KIF16B: variants seen among roughly 807,000 people sequenced by gnomAD.
The protein encoded by KIF16B is kinesin-like protein KIF16B.
KIF16B carries 98 observed loss-of-function variants against 156.3 expected under a neutral mutation model. The ratio of observed to expected loss-of-function variants is 0.63; its 90% CI spans 0.53 to 0.74. The LOEUF (loss-of-function observed/expected upper bound fraction) is 0.74, where lower values mean the gene tolerates loss of function less well. Ranked by LOEUF, KIF16B falls within the 30% of genes least tolerant of loss-of-function variation. The probability of loss-of-function intolerance (pLI) is 0.00; values close to 1 mark genes in which losing one functional copy is unlikely to be tolerated. For synonymous variants in KIF16B, 564 were observed against 583.7 expected, an observed-to-expected ratio of 0.97 and a Z score of 0.49; for missense variants, 1,421 against 1,606.5, an observed-to-expected ratio of 0.88 and a Z score of 1.97.
intron 25 of KIF16B, among the ~76,000 whole-genome samples, chr20:16,300,770 C>T (rs2063460263): frequency 6.6e-6 from 1 of 152,090 alleles, no homozygotes; most frequent in Non-Finnish European, 1.5e-5. Context: ...TGCAGAGCCT[C>T]CCCCGCTATC....
intron 11 of KIF16B, 151 bp downstream of exon 11, chr20:16,497,462 C>T (rs2068484372): frequency 3.1e-6 from 2 of 647,434 alleles, no homozygotes; most frequent in African/African-American, 1.9e-5. Flanking sequence ...TGTCAGCTAT[C>T]GTGCTTCTTC....
rs964152805 is a variant in KIF16B at position 16,480,627 on chromosome 20, G to A, written c.1302+13664C>T. Among the ~76,000 whole-genome samples, 14 of 152,346 alleles carry A rather than the reference G, an allele frequency of 9.2e-5. No homozygotes were observed. In the East Asian group the frequency reaches 2.7e-3, roughly 29 times the overall value. Reference sequence around the variant, plus strand: ...TTCAAATGAGATAAGCAGTGAAGAGGTGACACAATGCACAGAACAACCGCA... The same window carrying A: ...TTCAAATGAGATAAGCAGTGAAGAGATGACACAATGCACAGAACAACCGCA... On this transcript the variant is annotated intron_variant, in intron 12 of 25. Coordinates refer to ENST00000354981, the MANE Select transcript of KIF16B (RefSeq NM_024704.5).
intron 25 of KIF16B, among the ~76,000 whole-genome samples, chr20:16,300,105 T>C (rs1359383441): frequency 6.6e-6 from 1 of 152,204 alleles, no homozygotes; most frequent in Non-Finnish European, 1.5e-5. Context: ...TTACGACATA[T>C]TTCCTTCTTG....
chr20:16,388,652 C>G (rs558752776), intron 17 of KIF16B, among the ~76,000 whole-genome samples: 8 of 151,534 alleles, frequency 5.3e-5, no homozygotes, highest in Non-Finnish European at 1.2e-4. Flanking sequence ...TCAGAGATAG[C>G]CTTTTCTTTT....
chr20:16,450,188 G>GA (rs1404466179), intron 12 of KIF16B, among the ~76,000 whole-genome samples: 1 of 152,150 alleles, frequency 6.6e-6, no homozygotes, highest in African/African-American at 2.4e-5. Context: ...CTATTTTATA[G>GA]ATCTTTGCTA....
At chr20:16,529,930 G>C (rs1028259608) in intron 1 of KIF16B, among the ~76,000 whole-genome samples, 11 of 152,102 alleles carry the variant, frequency 7.2e-5, no homozygotes, top group Non-Finnish European at 1.2e-4. Context: ...ACTCCAACCT[G>C]GGCAACAAGA....
At chr20:16,392,615 C>T (rs1209222569) in intron 17 of KIF16B, among the ~76,000 whole-genome samples, 1 of 152,180 alleles carries the variant, frequency 6.6e-6, no homozygotes, top group Non-Finnish European at 1.5e-5. Context: ...GACAACATGC[C>T]GATACGCCTA....
chr20:16,277,229 C>G (rs1262228623), intron 25 of KIF16B, among the ~76,000 whole-genome samples: 2 of 152,110 alleles, frequency 1.3e-5, no homozygotes, highest in Non-Finnish European at 2.9e-5. Context: ...TGCAGTACTT[C>G]ACATCTGAAC....
chr20:16,367,014 A>G (rs2064682005), intron 22 of KIF16B: 1 of 1,330,582 alleles, frequency 7.5e-7, no homozygotes, highest in Non-Finnish European at 9.6e-7. Context: ...TTTCAATTTT[A>G]GAGGTCTGCA....
rs1027040847 is a variant in KIF16B at position 16,573,247 on chromosome 20, A to T, written c.29T>A (p.Val10Asp). 1.2e-6 allele frequency: 2 copies of T among 1,603,030 alleles called. No homozygotes were observed. Among genetic ancestry groups the T allele is most frequent in the Non-Finnish European group, 1.7e-6 (2 of 1,176,232 alleles). ...CACTCACCTGCGATTCATGGGCCGG[A>T]CCCTCACGGCCACCTTGACCGATGC... MASVKVAVR[V>D]RPMNRREKDL... The change falls in exon 1 of 26, where the codon GTC (valine) becomes GAC (aspartate). Residue 10 changes from valine (V) to aspartate (D), a missense_variant. Val to Asp is a radical substitution (Grantham distance 152). Transcript: ENST00000354981.
At chr20:16,439,203 C>G (rs10084514) in intron 12 of KIF16B, among the ~76,000 whole-genome samples, 44 of 152,154 alleles carry the variant, frequency 2.9e-4, no homozygotes, top group South Asian at 4.1e-4. Context: ...CCACAACTTT[C>G]CATCTCCACT....
chr20:16,404,885 G>A lies in KIF16B; in HGVS notation c.1712C>T (p.Ser571Phe), dbSNP rs2065742844. 1 of 1,613,342 alleles carries A rather than the reference G, an allele frequency of 6.2e-7. No individual in the cohort carries two copies. Among genetic ancestry groups the A allele is most frequent in the Non-Finnish European group, 8.5e-7 (1 of 1,179,570 alleles). Residue 571 changes from serine (S) to phenylalanine (F), a missense_variant, in exon 17 of 26, where the codon TCC becomes TTC. Ser to Phe is a radical substitution (Grantham distance 155). Coordinates refer to ENST00000354981, the MANE Select transcript of KIF16B (RefSeq NM_024704.5). ...REKRKSGLLSSFSLSMTDLSK... is the reference protein window; with the variant it reads ...REKRKSGLLSFFSLSMTDLSK... ...GAGGTCGGTCATGGACAAGCTGAAG[G>A]AGGACAGAAGGCCACTCTAAGGGCA...
chr20:16,537,852 C>T (rs775179030), intron 1 of KIF16B, among the ~76,000 whole-genome samples: 1 of 151,838 alleles, frequency 6.6e-6, no homozygotes, highest in Non-Finnish European at 1.5e-5. Flanking sequence ...TACAGATGTG[C>T]ACCACGATGC....
intron 12 of KIF16B, among the ~76,000 whole-genome samples, chr20:16,489,696 C>CAA (rs36070522): frequency 8.0e-6 from 1 of 125,650 alleles, no homozygotes; most frequent in Non-Finnish European, 1.8e-5. Context: ...AATCCTGTCT[C>CAA]AAAAAAAAAA....
chr20:16,533,327 G>A (rs1377214665), intron 1 of KIF16B, among the ~76,000 whole-genome samples: 1 of 152,084 alleles, frequency 6.6e-6, no homozygotes, highest in Non-Finnish European at 1.5e-5. Context: ...GTGGCTCCAG[G>A]GAAGCTTGAC....
rs1156606281 is a variant in KIF16B, at chr20:16,300,864, C to A, written c.3795+11471G>T. 3.3e-5 allele frequency among the ~76,000 whole-genome samples: 5 copies of A among 152,132 alleles called. No homozygotes were observed. In the East Asian group the frequency reaches 9.6e-4, roughly 29 times the overall value. ...ATTATCACCCAAAGTCTATAACTTA[C>A]ATTAGGGTTCACTCTTGTTGTACTT... On this transcript the variant is annotated intron_variant, in intron 25 of 25. Coordinates refer to ENST00000354981, the MANE Select transcript of KIF16B (RefSeq NM_024704.5).
Position 16,520,171 on chromosome 20 carries a change from G to A in KIF16B, c.232-4507C>T, listed in dbSNP as rs190213005. On this transcript the variant is annotated intron_variant, in intron 3 of 25. Coordinates refer to ENST00000354981, the MANE Select transcript of KIF16B (RefSeq NM_024704.5). ...CCCTGGTGGCACCTGGAACACCAAT[G>A]AGACAGAACCGTTCATTCCCCTGGA... Among the ~76,000 whole-genome samples, 20 of 151,188 alleles carry A rather than the reference G, an allele frequency of 1.3e-4. 1 individual carries two copies. In the East Asian group the frequency reaches 3.9e-3, roughly 30 times the overall value.
chr20:16,559,202 A>C (rs2070967629), intron 1 of KIF16B, among the ~76,000 whole-genome samples: 1 of 152,024 alleles, frequency 6.6e-6, no homozygotes, highest in Admixed American at 6.6e-5. Flanking sequence ...TTTCCATCCC[A>C]CCAAGAATCA....
intron 1 of KIF16B, among the ~76,000 whole-genome samples, chr20:16,557,605 C>A (rs538413077): frequency 1.3e-5 from 2 of 152,124 alleles, no homozygotes; most frequent in African/African-American, 2.4e-5. Context: ...CAGAGAAGTA[C>A]AATAATACAT....
Sources: allele counts gnomAD v4.1 joint callset (sites outside exome capture counted in the v4.1 genomes callset), GRCh38; gene constraint gnomAD v4.1.1; transcripts MANE v1.5; gene names NCBI Gene and HGNC (gene_info 2026-07-23, HGNC 2026-07-21).